ASB3: variants seen among roughly 807,000 people sequenced by gnomAD.
ASB3 encodes ankyrin repeat and SOCS box protein 3.
Under a neutral mutation model 54.5 loss-of-function variants are expected in ASB3, and 41 were observed. The observed-to-expected ratio is 0.75, with a 90% CI of 0.59 to 0.98. ASB3 has a LOEUF of 0.98. ASB3 is among the 50% of genes least tolerant of loss of function. The pLI, the probability that ASB3 is intolerant of heterozygous loss-of-function variation, is 0.00. For missense variants in ASB3, 733 were observed against 620.0 expected, an observed-to-expected ratio of 1.18 and a Z score of -1.94; for synonymous variants, 266 against 221.2, an observed-to-expected ratio of 1.20 and a Z score of -1.80.
At chr2:53,773,857 A>G (rs905422557) in intron 1 of ASB3, among the ~76,000 whole-genome samples, 1 of 151,906 alleles carries the variant, frequency 6.6e-6, no homozygotes, top group African/African-American at 2.4e-5. Flanking sequence ...CAACGTGACA[A>G]AACCCCTTCT....
intron 3 of ASB3, among the ~76,000 whole-genome samples, chr2:53,743,419 G>T (rs1255723282): frequency 1.3e-5 from 2 of 152,148 alleles, no homozygotes; most frequent in Non-Finnish European, 2.9e-5. Context: ...GAAAAAACAT[G>T]CCAAAATAAC....
intron 3 of ASB3, among the ~76,000 whole-genome samples, chr2:53,731,173 G>C (rs1025826195): frequency 1.3e-5 from 2 of 152,160 alleles, no homozygotes; most frequent in Non-Finnish European, 2.9e-5. Context: ...AGGCTAAGGC[G>C]GGTGGACCAC....
chr2:53,781,449 C>G (rs1472057111), intron 1 of ASB3, among the ~76,000 whole-genome samples: 1 of 151,282 alleles, frequency 6.6e-6, no homozygotes, highest in African/African-American at 2.4e-5. Flanking sequence ...GTAGTTATCT[C>G]ATTTTGTACC....
At position 53,694,002 on chromosome 2, in the gene ASB3, G is replaced by A. The variant is rs1159140167; in HGVS notation, c.1251C>T (p.Val417=). The change falls in exon 9 of 10, where the codon GTC becomes GTT. Residue 417 remains valine, a synonymous_variant. Transcript: ENST00000263634. The part of the protein sequence containing the change: ...ILLCNSWIDS[V]SIDTLIFTLE... Reference sequence around the variant, plus strand: ...AAGTGAAGATAAGGGTGTCAATGCTGACTGAGTCAATCCTATGTTAGCAAG... The same window carrying A: ...AAGTGAAGATAAGGGTGTCAATGCTAACTGAGTCAATCCTATGTTAGCAAG... The A allele has an allele frequency of 1.9e-6, 3 of 1,613,168 alleles. No individual in the cohort carries two copies. The Admixed American group carries it at 5.0e-5, about 27-fold the overall frequency.
intron 7 of ASB3, among the ~76,000 whole-genome samples, chr2:53,710,347 T>C (rs531887970): frequency 5.2e-5 from 8 of 152,384 alleles, no homozygotes; most frequent in African/African-American, 1.9e-4. Flanking sequence ...TTTTTCCGTC[T>C]TTTTTATAGT....
At chr2:53,693,343 T>C (rs1282067257) in intron 9 of ASB3, among the ~76,000 whole-genome samples, 1 of 152,200 alleles carries the variant, frequency 6.6e-6, no homozygotes, top group African/African-American at 2.4e-5. Flanking sequence ...AATTTTGTTC[T>C]AGAATAGTCT....
intron 1 of ASB3, chr2:53,767,910 C>T (rs778507808): frequency 2.5e-6 from 4 of 1,613,262 alleles, no homozygotes; most frequent in East Asian, 2.2e-5. Flanking sequence ...GTTACGGGTC[C>T]CTGATCTGGA....
chr2:53,730,208 A>G (rs1281311772), intron 3 of ASB3, among the ~76,000 whole-genome samples: 1 of 152,228 alleles, frequency 6.6e-6, no homozygotes, highest in African/African-American at 2.4e-5. Flanking sequence ...GAATTTAAGC[A>G]CGAAGTTAAT....
intron 9 of ASB3, among the ~76,000 whole-genome samples, chr2:53,690,925 A>G (rs1289129885): frequency 6.6e-6 from 1 of 152,184 alleles, no homozygotes; most frequent in Non-Finnish European, 1.5e-5. Context: ...TCTAATCATT[A>G]AAGGTTCAGG....
intron 3 of ASB3, among the ~76,000 whole-genome samples, chr2:53,742,485 A>G (rs1484660257): frequency 6.6e-6 from 1 of 152,218 alleles, no homozygotes; most frequent in African/African-American, 2.4e-5. Flanking sequence ...CCACAAACCA[A>G]AGGAAAATTG....
intron 3 of ASB3, among the ~76,000 whole-genome samples, chr2:53,730,956 G>C (rs1352350048): frequency 6.6e-6 from 1 of 151,894 alleles, no homozygotes; most frequent in African/African-American, 2.4e-5. Flanking sequence ...TGAAACAATG[G>C]GAATATAAAA....
At chr2:53,672,564 G>A (rs1667875117) in intron 9 of ASB3, among the ~76,000 whole-genome samples, 1 of 152,060 alleles carries the variant, frequency 6.6e-6, no homozygotes, top group Non-Finnish European at 1.5e-5. Flanking sequence ...ACAATAATTG[G>A]TCAGTTAATA....
chr2:53,765,345 G>T (rs747843771), intron 2 of ASB3, 32 bp downstream of exon 2: 1 of 1,613,160 alleles, frequency 6.2e-7, no homozygotes, highest in Non-Finnish European at 8.5e-7. Flanking sequence ...CCAGCTTGTA[G>T]GCAAAGCCTC....
chr2:53,729,604 C>T, intron 3 of ASB3, 34 bp from the exon 4 acceptor site: 2 of 1,592,106 alleles, frequency 1.3e-6, no homozygotes, highest in Admixed American at 1.7e-5. Flanking sequence ...TTAATGTCAG[C>T]AAAAAGGCAT....
intron 7 of ASB3, among the ~76,000 whole-genome samples, chr2:53,701,674 G>C (rs1242186080): frequency 6.6e-6 from 1 of 152,110 alleles, no homozygotes; most frequent in Non-Finnish European, 1.5e-5. Context: ...AGAAAGATAG[G>C]ATGAATGTAT....
At chr2:53,759,858 T>C (rs1259996535) in intron 2 of ASB3, among the ~76,000 whole-genome samples, 1 of 151,836 alleles carries the variant, frequency 6.6e-6, no homozygotes, top group Admixed American at 6.6e-5. Context: ...GGACTGAGGG[T>C]GTCCGGGGCA....
At chr2:53,717,606 C>T (rs542486540) in intron 5 of ASB3, among the ~76,000 whole-genome samples, 6 of 152,184 alleles carry the variant, frequency 3.9e-5, no homozygotes, top group African/African-American at 1.2e-4. Flanking sequence ...AAAGGAACTA[C>T]CCCAAGAATT....
intron 5 of ASB3, among the ~76,000 whole-genome samples, chr2:53,717,218 A>T (rs952628351): frequency 1.3e-5 from 2 of 152,264 alleles, no homozygotes; most frequent in Non-Finnish European, 2.9e-5. Context: ...ACATTTAAAA[A>T]GAAAAATGCA....
intron 3 of ASB3, 113 bp downstream of exon 3, chr2:53,750,670 G>C: frequency 2.6e-6 from 3 of 1,174,134 alleles, no homozygotes; most frequent in South Asian, 6.3e-5. Context: ...TGGTATGATA[G>C]TTGCCAAAAG....
Sources: gnomAD v4.1 joint callset for allele counts (sites outside exome capture counted in the v4.1 genomes callset) on GRCh38, gnomAD v4.1.1 for gene constraint, MANE v1.5 for transcripts, NCBI Gene and HGNC (gene_info 2026-07-23, HGNC 2026-07-21) for gene names.